PRPF8: variants seen among roughly 807,000 people sequenced by gnomAD.
The protein encoded by PRPF8 is pre-mRNA-processing-splicing factor 8.
A neutral mutation model predicts 285.9 loss-of-function variants in PRPF8; 64 were observed. The ratio of observed to expected loss-of-function variants is 0.22; its 90% CI spans 0.18 to 0.28. The LOEUF (loss-of-function observed/expected upper bound fraction) is 0.28, where lower values mean the gene tolerates loss of function less well. PRPF8 is among the 10% of genes least tolerant of loss of function. PRPF8 has a pLI of 1.00. For missense variants in PRPF8, 1,426 were observed against 3,026.7 expected (o/e 0.47, Z 12.41); for synonymous variants, 1,325 against 1,118.2 (o/e 1.18, Z -3.69).
intron 36 of PRPF8, 110 bp downstream of exon 36, chr17:1,656,278 TCCCA>T (rs1335085847): frequency 7.6e-7 from 1 of 1,319,194 alleles, no homozygotes; most frequent in Non-Finnish European, 1.1e-6. Context: ...TCAACAGAGT[TCCCA>T]CCCAATCTAT....
intron 14 of PRPF8, 195 bp downstream of exon 14, chr17:1,677,370 A>G: frequency 1.0e-6 from 1 of 976,714 alleles, no homozygotes; most frequent in Non-Finnish European, 1.6e-6. Context: ...CCACTCCTGC[A>G]AATGCATGAC....
At chr17:1,678,932 C>T (rs762254970) in intron 11 of PRPF8, 51 bp from the exon 12 acceptor site, 28 of 1,613,738 alleles carry the variant, frequency 1.7e-5, no homozygotes, top group Non-Finnish European at 2.4e-5. Flanking sequence ...ATGGACCCAA[C>T]TGATGTATGC....
intron 34 of PRPF8, among the ~76,000 whole-genome samples, chr17:1,657,416 C>T (rs927209001): frequency 9.9e-5 from 15 of 152,014 alleles, no homozygotes; most frequent in African/African-American, 1.7e-4. Context: ...GAGGCCAAGG[C>T]GGGCGGATCA....
intron 30 of PRPF8, 79 bp from the exon 31 acceptor site, chr17:1,660,080 G>A: frequency 1.4e-6 from 2 of 1,468,334 alleles, no homozygotes; most frequent in Non-Finnish European, 1.9e-6. Context: ...AGATAATGAG[G>A]CAATAGGAGT....
intron 24 of PRPF8, among the ~76,000 whole-genome samples, chr17:1,663,858 G>C (rs1911808547): frequency 6.6e-6 from 1 of 151,790 alleles, no homozygotes; most frequent in Non-Finnish European, 1.5e-5. Flanking sequence ...TGGCACTACT[G>C]ATTAAGACAA....
Position 1,653,436 on chromosome 17 carries a change from T to A in PRPF8, c.6369+106A>T. 1 of 1,493,450 alleles carries A rather than the reference T, an allele frequency of 6.7e-7. No homozygotes were observed. Among genetic ancestry groups the A allele is most frequent in the Admixed American group, 1.7e-5 (1 of 57,478 alleles). 92.5% of individuals were successfully genotyped at this position (1,493,450 alleles called of 1,614,324 possible). On this transcript the variant is annotated intron_variant, in intron 39 of 42. Coordinates refer to ENST00000304992, the MANE Select transcript of PRPF8 (RefSeq NM_006445.4). The surrounding 1 kb of genome is among the most constrained non-coding windows in gnomAD (Gnocchi z 4.9). ...CTATCCTTGTATAATTACTCATCCA[T>A]GAATCTTGAAACCAGCATCTCAAGT...
At chr17:1,668,336 T>A (rs1912105435) in intron 24 of PRPF8, among the ~76,000 whole-genome samples, 2 of 149,040 alleles carry the variant, frequency 1.3e-5, no homozygotes, top group Admixed American at 6.7e-5. Context: ...TTCCAGTATC[T>A]CAATGGGGTC....
intron 37 of PRPF8, chr17:1,654,877 C>T (rs1911272879): frequency 5.6e-6 from 1 of 179,220 alleles, no homozygotes; most frequent in African/African-American, 2.4e-5. Context: ...GCAATCCTCC[C>T]ACCTTGGCCT....
chr17:1,669,838 C>A (rs1912209711), intron 24 of PRPF8, among the ~76,000 whole-genome samples: 1 of 152,172 alleles, frequency 6.6e-6, no homozygotes, highest in Non-Finnish European at 1.5e-5. Flanking sequence ...TTAGTATTCC[C>A]CACATTTCCA....
intron 30 of PRPF8, 39 bp downstream of exon 30, chr17:1,660,393 G>A (rs754650488): frequency 6.2e-7 from 1 of 1,612,838 alleles, no homozygotes; most frequent in Non-Finnish European, 8.5e-7. Context: ...CACCTGAGCT[G>A]ACTCTCTACA....
At chr17:1,680,500 C>T in intron 8 of PRPF8, 1 of 608,724 alleles carries the variant, frequency 1.6e-6, no homozygotes, top group Non-Finnish European at 2.9e-6. Context: ...TCTAGAGCAC[C>T]CAAGAAAAGA....
At chr17:1,669,761 C>T (rs1173620740) in intron 24 of PRPF8, among the ~76,000 whole-genome samples, 1 of 152,164 alleles carries the variant, frequency 6.6e-6, no homozygotes, top group Non-Finnish European at 1.5e-5. Flanking sequence ...CAATTCTGGA[C>T]ACGTGTTCCT....
Position 1,651,136 on chromosome 17 carries a change from G to C in PRPF8, c.6825C>G (p.Ala2275=). 1 of 1,614,154 alleles carries C rather than the reference G, an allele frequency of 6.2e-7. No homozygotes were observed. The highest frequency in any genetic ancestry group is 8.5e-7 in the Non-Finnish European group (1 of 1,180,024). The stretch of plus-strand genomic sequence containing the variant: ...TGAAGTTGTAGTTCCACGAGGACTG[G>C]GCAGGGACCATGAAGAAGCCAAGGA... The part of the protein sequence containing the change: ...DRFLGFFMVP[A]QSSWNYNFMG... The change falls in exon 42 of 43, where the codon GCC becomes GCG. Residue 2275 remains alanine (A), a synonymous_variant. Transcript: ENST00000304992. This position sits in a 1 kb window ranked among gnomAD's most constrained non-coding sequence, Gnocchi z 5.1.
At chr17:1,682,614 A>G (rs562189271) in intron 3 of PRPF8, among the ~76,000 whole-genome samples, 19 of 152,262 alleles carry the variant, frequency 1.2e-4, no homozygotes, top group African/African-American at 4.6e-4. Context: ...TAAAGTATTC[A>G]CCATACTTCA....
rs76763685 is a variant in PRPF8 at position 1,657,167 on chromosome 17, G to C, written c.5506-406C>G. Among the ~76,000 whole-genome samples the C allele has an allele frequency of 3.0e-3, 452 of 152,222 alleles. 2 individuals carry two copies. The highest frequency in any genetic ancestry group is 0.01 in the African/African-American group (432 of 41,530). On this transcript the variant is annotated intron_variant, in intron 34 of 42. Transcript: ENST00000304992. ...CACAGATTTGGAGATGAGCATCAGG[G>C]GTTTGGGCTACTAAGATCCTGGACT...
chr17:1,674,373 T>C (rs896105947), intron 21 of PRPF8, 69 bp downstream of exon 21: 8 of 1,421,806 alleles, frequency 5.6e-6, no homozygotes, highest in Admixed American at 1.7e-5. Context: ...TCAGGTACAA[T>C]AGCTGATTTC....
At chr17:1,683,888 CTTTTTTTT>C (rs112914461) in intron 2 of PRPF8, among the ~76,000 whole-genome samples, 187 bp from the exon 3 acceptor site, 1 of 140,512 alleles carries the variant, frequency 7.1e-6, no homozygotes, top group Admixed American at 7.1e-5. Context: ...CACTATCTGA[CTTTTTTTT>C]TTTTTTTTGA....
rs751274149 is a variant in PRPF8, at chr17:1,675,505, C to G, written c.2872+115G>C. The stretch of plus-strand genomic sequence containing the variant: ...CCTCAGTTTAACACGAACACTACTT[C>G]CCTTTACTACCACGCATCAAGAGAG... On this transcript the variant is annotated intron_variant, in intron 19 of 42. Coordinates refer to ENST00000304992, the MANE Select transcript of PRPF8 (RefSeq NM_006445.4). This position sits in a 1 kb window ranked among gnomAD's most constrained non-coding sequence, Gnocchi z 6.0. 1.4e-6 allele frequency: 2 copies of G among 1,470,000 alleles called. No individual in the cohort carries two copies. Among genetic ancestry groups the G allele is most frequent in the Non-Finnish European group, 1.9e-6 (2 of 1,052,258 alleles). 91.1% of individuals were successfully genotyped at this position (1,470,000 alleles called of 1,614,324 possible).
At chr17:1,656,866 A>G in intron 34 of PRPF8, 105 bp from the exon 35 acceptor site, 1 of 1,032,822 alleles carries the variant, frequency 9.7e-7, no homozygotes, top group South Asian at 1.4e-5. Flanking sequence ...TTTCTATTGA[A>G]CACTGATGTT....
Sources: gnomAD v4.1 joint callset for allele counts (sites outside exome capture counted in the v4.1 genomes callset) on GRCh38, gnomAD v4.1.1 for gene constraint, Gnocchi (gnomAD v3.1) non-coding constraint, MANE v1.5 for transcripts, NCBI Gene and HGNC (gene_info 2026-07-23, HGNC 2026-07-21) for gene names.